The following ARHGEF10L variants were observed in gnomAD, a reference collection of about 807,000 sequenced individuals.
ARHGEF10L encodes Rho guanine nucleotide exchange factor 10 like.
In ARHGEF10L, 69 loss-of-function variants were observed where a neutral mutation model predicts 141.2. That is an observed-to-expected ratio of 0.49 (90% confidence interval 0.40 to 0.60). The LOEUF is 0.60. Ranked by LOEUF, ARHGEF10L falls within the 20% of genes least tolerant of loss-of-function variation. The pLI is 0.00. For missense variants in ARHGEF10L, 1,482 were observed against 1,734.3 expected (o/e 0.85, Z 2.58); for synonymous variants, 711 against 718.5 (o/e 0.99, Z 0.17).
At position 17,638,564 on chromosome 1, in the gene ARHGEF10L, C is replaced by T; in HGVS notation, c.2046C>T (p.Asn682=). 8.1e-6 allele frequency: 13 copies of T among 1,614,172 alleles called. No individual in the cohort carries two copies. Among genetic ancestry groups the T allele is most frequent in the Non-Finnish European group, 1.1e-5 (13 of 1,180,028 alleles). ...LISTLHGTYQ[N]LNMTVAQDWC... The stretch of plus-strand genomic sequence containing the variant: ...CTCATTGGCCTCCTGAACCCTAGAA[C>T]CTGAACATGACTGTGGCTCAAGACT... The change falls in exon 20 of 29, where the codon AAC becomes AAT. Residue 682 remains asparagine, a splice_region_variant and synonymous_variant. Transcript: ENST00000361221.
chr1:17,650,187 G>T (rs12758110), intron 22 of ARHGEF10L, among the ~76,000 whole-genome samples: 14,439 of 151,714 alleles, frequency 0.095, 1,018 homozygotes, highest in South Asian at 0.32. Context: ...AGGTGGGAGG[G>T]TCACTTGAGT....
intron 21 of ARHGEF10L, among the ~76,000 whole-genome samples, chr1:17,641,977 TCTTAAAAAAAAAGA>T: frequency 6.8e-6 from 1 of 147,244 alleles, no homozygotes; most frequent in Non-Finnish European, 1.5e-5. Flanking sequence ...TGAGACTCCG[TCTTAAAAAAAAAGA>T]AAAAAAAAAG....
At chr1:17,551,774 G>A (rs2100725372) in intron 1 of ARHGEF10L, among the ~76,000 whole-genome samples, 1 of 152,266 alleles carries the variant, frequency 6.6e-6, no homozygotes, top group South Asian at 2.1e-4. Context: ...GAGAGGTTAA[G>A]CAACTTGCCT....
At chr1:17,662,647 G>A (rs1363926329) in intron 25 of ARHGEF10L, among the ~76,000 whole-genome samples, 1 of 152,092 alleles carries the variant, frequency 6.6e-6, no homozygotes, top group Non-Finnish European at 1.5e-5. Context: ...TGGGGAGGGA[G>A]GGAAAACTGG....
chr1:17,629,085 A>G (rs2060536950), intron 15 of ARHGEF10L, among the ~76,000 whole-genome samples: 1 of 152,168 alleles, frequency 6.6e-6, no homozygotes, highest in African/African-American at 2.4e-5. Context: ...CAGTGGTACA[A>G]TAACGGCTCA....
At chr1:17,527,865 CTTTTCT>C in the ARHGEF10L span, among the ~76,000 whole-genome samples, 46,015 of 115,004 alleles carry the variant, frequency 0.4, 8,638 homozygotes, top group East Asian at 0.51. Context: ...TTCTTTCTTT[CTTTTCT>C]TTTTTTTTTT....
intron 25 of ARHGEF10L, among the ~76,000 whole-genome samples, chr1:17,658,490 C>T (rs1272900597): frequency 6.6e-6 from 1 of 152,108 alleles, no homozygotes; most frequent in African/African-American, 2.4e-5. Context: ...CACCCAGTAC[C>T]CTGCCTCCCA....
chr1:17,551,887 C>G (rs896634637), intron 1 of ARHGEF10L, among the ~76,000 whole-genome samples: 8 of 152,116 alleles, frequency 5.3e-5, no homozygotes, highest in Non-Finnish European at 1.0e-4. Context: ...CCCCAGGGAG[C>G]GGCTCACTGG....
rs377346810 is a variant in ARHGEF10L, at chr1:17,650,329, G to A, written c.2394+1654G>A. On this transcript the variant is annotated intron_variant, in intron 22 of 28. Transcript: ENST00000361221. ...CTTGGGAGGCTGAGGTGGGAGGATCGCTTGAGCCCAGGAGGTTGAGGCTGC... is the reference window on the plus strand; with the variant it reads ...CTTGGGAGGCTGAGGTGGGAGGATCACTTGAGCCCAGGAGGTTGAGGCTGC... Among the ~76,000 whole-genome samples the A allele has an allele frequency of 3.5e-4, 53 of 152,152 alleles. 1 individual carries two copies. In the South Asian group the frequency reaches 8.9e-3, roughly 26 times the overall value.
rs550899650 is a variant in ARHGEF10L, at chr1:17,655,048, C to G, written c.2481+326C>G. 4.6e-5 allele frequency among the ~76,000 whole-genome samples: 7 copies of G among 152,336 alleles called. No individual in the cohort carries two copies. In the South Asian group the frequency reaches 8.3e-4, roughly 18 times the overall value. ...TCACCCCTGGAGTCAGGAGGCAGGG[C>G]TGGCTAGTGCCCTACTCATGCAGAC... On this transcript the variant is annotated intron_variant, in intron 23 of 28. Transcript: ENST00000361221.
Position 17,619,390 on chromosome 1 carries a change from T to A in ARHGEF10L, c.887T>A (p.Ile296Asn). 1 of 1,611,528 alleles carries A rather than the reference T, an allele frequency of 6.2e-7. No homozygotes were observed. The highest frequency in any genetic ancestry group is 8.5e-7 in the Non-Finnish European group (1 of 1,179,232). Reference protein sequence around the residue: ...MGLLEVSVSDIKPPAPELGPM... With the variant: ...MGLLEVSVSDNKPPAPELGPM... ...CTCCTGGAGGTCAGCGTTTCGGACA[T>A]CAAGCCCCCAGCCCCAGAGCTGGGC... The change falls in exon 10 of 29, where the codon ATC (isoleucine) becomes AAC (asparagine). Residue 296 changes from isoleucine to asparagine, a missense_variant. By Grantham distance (149) the Ile-to-Asn change is moderately radical. This residue lies in a region of ARHGEF10L where 392 missense variants were observed against 542.1 expected (regional missense o/e 0.72). Transcript: ENST00000361221. This position sits in a 1 kb window ranked among gnomAD's most constrained non-coding sequence, Gnocchi z 5.0.
intron 1 of ARHGEF10L, among the ~76,000 whole-genome samples, chr1:17,557,616 C>T (rs2077385531): frequency 6.6e-6 from 1 of 152,172 alleles, no homozygotes; most frequent in South Asian, 2.1e-4. Context: ...GCGGAATCCC[C>T]ATGTTTGAAA....
At chr1:17,536,921 G>A (rs761539131), upstream of ARHGEF10L, among the ~76,000 whole-genome samples, 30 of 152,086 alleles carry the variant, frequency 2.0e-4, no homozygotes, top group Non-Finnish European at 3.7e-4. Context: ...CTAGGCTGGG[G>A]TGCAGCGGTG....
At chr1:17,553,956 A>C (rs1020546571) in intron 1 of ARHGEF10L, among the ~76,000 whole-genome samples, 1 of 152,168 alleles carries the variant, frequency 6.6e-6, no homozygotes, top group Non-Finnish European at 1.5e-5. Context: ...ACTGAGACAC[A>C]AAACGTTTAG....
At chr1:17,529,198 T>G in the ARHGEF10L span, among the ~76,000 whole-genome samples, 1 of 152,164 alleles carries the variant, frequency 6.6e-6, no homozygotes, top group African/African-American at 2.4e-5. Context: ...AAACAGGGTT[T>G]CACCATGTTG....
Position 17,612,107 on chromosome 1 carries a change from C to T in ARHGEF10L, c.610-951C>T, listed in dbSNP as rs1048514613. The stretch of plus-strand genomic sequence containing the variant: ...ACCCATCCTCCCTCCATTCATTCTC[C>T]AGCAGTGTGCCAGAGGCAGCTAGTG... On this transcript the variant is annotated intron_variant, in intron 7 of 28. Transcript: ENST00000361221. Among the ~76,000 whole-genome samples, 6 of 152,232 alleles carry T rather than the reference C, an allele frequency of 3.9e-5. No individual in the cohort carries two copies. The East Asian group carries it at 1.2e-3, about 29-fold the overall frequency.
chr1:17,612,381 C>T (rs143267426), intron 7 of ARHGEF10L, among the ~76,000 whole-genome samples: 1 of 152,272 alleles, frequency 6.6e-6, no homozygotes, highest in East Asian at 1.9e-4. Flanking sequence ...TCCATCTGTC[C>T]ATTTGCCCAG....
intron 15 of ARHGEF10L, among the ~76,000 whole-genome samples, chr1:17,628,837 C>T (rs1420806974): frequency 6.6e-6 from 1 of 152,106 alleles, no homozygotes; most frequent in East Asian, 1.9e-4. Context: ...GTATAGAATG[C>T]TGTCTAACCT....
At chr1:17,565,132 G>T (rs376032627) in intron 1 of ARHGEF10L, among the ~76,000 whole-genome samples, 2 of 152,304 alleles carry the variant, frequency 1.3e-5, no homozygotes, top group South Asian at 2.1e-4. Context: ...CTTATAGATG[G>T]TACCTTCTCA....
Sources: allele counts gnomAD v4.1 joint callset (sites outside exome capture counted in the v4.1 genomes callset), GRCh38; gene constraint gnomAD v4.1.1; regional missense constraint gnomAD v4.1.1; non-coding constraint Gnocchi (gnomAD v3.1); transcripts MANE v1.5; gene names NCBI Gene and HGNC (gene_info 2026-07-23, HGNC 2026-07-21).